The following DPP6 variants were observed in gnomAD, a reference collection of about 807,000 sequenced individuals.
The protein encoded by DPP6 is A-type potassium channel modulatory protein DPP6.
A neutral mutation model predicts 122.6 loss-of-function variants in DPP6; 69 were observed. The ratio of observed to expected loss-of-function variants is 0.56; its 90% CI spans 0.46 to 0.69. The LOEUF (loss-of-function observed/expected upper bound fraction) is 0.69. DPP6 is among the 30% of genes least tolerant of loss of function. The pLI is 0.00. For missense variants in DPP6, 928 were observed against 1,116.9 expected, an observed-to-expected ratio of 0.83 and a Z score of 2.41; for synonymous variants, 418 against 433.1, an observed-to-expected ratio of 0.97 and a Z score of 0.43.
chr7:154,517,370 C>G (rs1826606119), intron 3 of DPP6, among the ~76,000 whole-genome samples: 1 of 152,058 alleles, frequency 6.6e-6, no homozygotes, highest in African/African-American at 2.4e-5. Flanking sequence ...ATGAGCTTCT[C>G]CACAGGGTGA....
intron 7 of DPP6, among the ~76,000 whole-genome samples, chr7:154,698,216 A>G (rs1247813091): frequency 6.6e-5 from 10 of 152,140 alleles, no homozygotes; most frequent in Admixed American, 1.3e-4. Context: ...TGTTAACATA[A>G]TTTTCATAGT....
intron 1 of DPP6, among the ~76,000 whole-genome samples, chr7:154,426,440 A>G (rs1180318799): frequency 6.6e-6 from 1 of 152,180 alleles, no homozygotes; most frequent in African/African-American, 2.4e-5. Context: ...ATGGTAATGA[A>G]TATGACGTGA....
At position 154,493,100 on chromosome 7, in the gene DPP6, G is replaced by C. The variant is rs143682619; in HGVS notation, c.457+18063G>C. On this transcript the variant is annotated intron_variant, in intron 3 of 25. Transcript: ENST00000377770. ...CAGCCTGGAAATGAGTGCACAGTTT[G>C]ATATGGGACCCATCAAAGATGTCAT... Among the ~76,000 whole-genome samples, 6 of 152,284 alleles carry C rather than the reference G, an allele frequency of 3.9e-5. No homozygotes were observed. In the East Asian group the frequency reaches 7.7e-4, roughly 20 times the overall value.
chr7:154,566,712 CAAAG>C (rs1830773679), intron 4 of DPP6, 126 bp from the exon 5 acceptor site: 4 of 591,030 alleles, frequency 6.8e-6, no homozygotes, highest in East Asian at 3.1e-5. Context: ...ATTCAGCTAA[CAAAG>C]AAAGGATATA....
At chr7:154,180,501 TATAA>T (rs1034210910) in intron 1 of DPP6, among the ~76,000 whole-genome samples, 119 of 144,160 alleles carry the variant, frequency 8.3e-4, no homozygotes, top group Middle Eastern at 7.2e-3. Context: ...GATATAGATA[TATAA>T]ATAAATATAT....
chr7:154,438,055 A>G (rs1043214630), intron 1 of DPP6, among the ~76,000 whole-genome samples: 2 of 152,178 alleles, frequency 1.3e-5, no homozygotes, highest in African/African-American at 4.8e-5. Flanking sequence ...ACAGGAGCAT[A>G]CCCCTCAGGA....
Position 154,265,835 on chromosome 7 carries a change from CATTGTTACTT to C in DPP6, c.244-180378_244-180369del, listed in dbSNP as rs754898964. Among the ~76,000 whole-genome samples the C allele has an allele frequency of 4.1e-4, 63 of 152,284 alleles. 1 individual carries two copies. Among genetic ancestry groups the C allele is most frequent in the Non-Finnish European group, 7.6e-4 (52 of 68,014 alleles). On this transcript the variant is annotated intron_variant, in intron 1 of 25. Transcript: ENST00000377770. ...CTTAGACTTTTTCACCCTGGCCTTTCATTGTTACTTGACTGGCTGTTACTTTGGTCCTATT... is the reference window on the plus strand; with the variant it reads ...CTTAGACTTTTTCACCCTGGCCTTTCGACTGGCTGTTACTTTGGTCCTATT...
At chr7:153,960,666 G>GGTGTGTATGTGTGTACATGC (rs1795305589) in intron 1 of DPP6, among the ~76,000 whole-genome samples, 1 of 96,752 alleles carries the variant, frequency 1.0e-5, no homozygotes, top group Non-Finnish European at 2.2e-5. Context: ...TGTGTGTGCG[G>GGTGTGTATGTGTGTACATGC]GTGTGTATGT....
chr7:153,853,659 T>C, the DPP6 span, among the ~76,000 whole-genome samples: 1 of 152,184 alleles, frequency 6.6e-6, no homozygotes, highest in Non-Finnish European at 1.5e-5. Flanking sequence ...GTGAAAGTGC[T>C]GCTCAGGAAA....
Position 154,324,432 on chromosome 7 carries a change from T to A in DPP6, c.244-121782T>A, listed in dbSNP as rs1375391997. Among the ~76,000 whole-genome samples the A allele has an allele frequency of 2.6e-5, 4 of 152,180 alleles. No homozygotes were observed. In the South Asian group the frequency reaches 8.3e-4, roughly 32 times the overall value. The stretch of plus-strand genomic sequence containing the variant: ...TCTCCACTGGCCTCTTCTCTGGACT[T>A]CTCTGGGGCCCGTATCAGAACCCAA... On this transcript the variant is annotated intron_variant, in intron 1 of 25. Transcript: ENST00000377770.
intron 5 of DPP6, among the ~76,000 whole-genome samples, chr7:154,610,659 C>A (rs1833850709): frequency 6.6e-6 from 1 of 151,340 alleles, no homozygotes; most frequent in African/African-American, 2.4e-5. Context: ...TGAGTAAAAT[C>A]TCTTCCAATT....
chr7:154,366,609 C>G (rs1812212656), intron 1 of DPP6, among the ~76,000 whole-genome samples: 1 of 152,174 alleles, frequency 6.6e-6, no homozygotes, highest in Non-Finnish European at 1.5e-5. Flanking sequence ...CTGAGAGTTC[C>G]CCCCAAGTGA....
chr7:153,984,053 A>AACACAC lies in DPP6; in HGVS notation c.51+96364_51+96369dup, dbSNP rs528640069. ...TTATTCTAACAACCATTCTGTCCAT[A>AACACAC]ACACACACACACACACACACACACA... On this transcript the variant is annotated intron_variant, in intron 1 of 25. Transcript: ENST00000404039. Among the ~76,000 whole-genome samples, 551 of 132,008 alleles carry AACACAC rather than the reference A, an allele frequency of 4.2e-3. 3 individuals carry two copies. Among genetic ancestry groups the AACACAC allele is most frequent in the East Asian group, 0.021 (91 of 4,278 alleles). The allele number at this position is 132,008 out of a possible 152,430, so 86.6% of individuals were successfully genotyped here. A position where few individuals can be genotyped will look rare whatever the true frequency, so the allele number is the denominator to read the frequency against.
intron 16 of DPP6, among the ~76,000 whole-genome samples, chr7:154,829,157 T>C (rs965123474): frequency 6.6e-6 from 1 of 151,636 alleles, no homozygotes; most frequent in African/African-American, 2.4e-5. Context: ...CCGAGGCAGG[T>C]GGATCGCTTG....
At chr7:154,724,845 T>A (rs770831930) in intron 7 of DPP6, among the ~76,000 whole-genome samples, 30 of 152,166 alleles carry the variant, frequency 2.0e-4, no homozygotes, top group Admixed American at 7.2e-4. Context: ...TGCAGATGGA[T>A]GGTGGTGATG....
chr7:154,518,011 C>T (rs1826669002), intron 3 of DPP6, among the ~76,000 whole-genome samples: 2 of 152,166 alleles, frequency 1.3e-5, no homozygotes, highest in Admixed American at 1.3e-4. Context: ...CAGGACAGAA[C>T]TCATTACTGA....
chr7:154,801,541 C>T, intron 13 of DPP6, 79 bp downstream of exon 13: 1 of 1,464,284 alleles, frequency 6.8e-7, no homozygotes, highest in Non-Finnish European at 9.0e-7. Context: ...TAGGGCTGGG[C>T]ACACTTGCGT....
the DPP6 span, among the ~76,000 whole-genome samples, chr7:153,849,562 T>C: frequency 6.6e-6 from 1 of 152,198 alleles, no homozygotes; most frequent in African/African-American, 2.4e-5. Flanking sequence ...CATCTTTTTT[T>C]TGAAATGCCA....
chr7:153,766,040 T>C, the DPP6 span, among the ~76,000 whole-genome samples: 2 of 152,204 alleles, frequency 1.3e-5, no homozygotes, highest in Non-Finnish European at 2.9e-5. Context: ...TATGACCACA[T>C]TTTGAGTGGT....
Sources: allele counts gnomAD v4.1 joint callset (sites outside exome capture counted in the v4.1 genomes callset), GRCh38; gene constraint gnomAD v4.1.1; transcripts MANE v1.5; gene names NCBI Gene and HGNC (gene_info 2026-07-23, HGNC 2026-07-21).